Variants in SPIDR observed in about 807,000 individuals in gnomAD.
The protein encoded by SPIDR is DNA repair-scaffolding protein.
SPIDR carries 93 observed loss-of-function variants against 104.6 expected under a neutral mutation model. That is an observed-to-expected ratio of 0.89 (90% CI 0.75 to 1.06). SPIDR has a LOEUF of 1.06. SPIDR is among the 50% of genes least tolerant of loss of function. The pLI, the probability that SPIDR is intolerant of heterozygous loss-of-function variation, is 0.00. For synonymous variants in SPIDR, 431 were observed against 416.9 expected, an observed-to-expected ratio of 1.03 and a Z score of -0.41; for missense variants, 1,154 against 1,111.2, an observed-to-expected ratio of 1.04 and a Z score of -0.55.
chr8:47,546,787 C>T lies in SPIDR; in HGVS notation c.1098-49024C>T, dbSNP rs760214400. The T allele has an allele frequency of 4.3e-4, 88 of 205,552 alleles. 1 individual carries two copies. The highest frequency in any genetic ancestry group is 1.2e-3 in the Middle Eastern group (1 of 830). The allele number at this position is 205,552 out of a possible 1,614,324, so 12.7% of individuals were successfully genotyped here. Reference sequence around the variant, plus strand: ...AATTATGTACAAAGATCTAATTTGTCACCAAGAGACCATGTCACCTACTGC... The same window carrying T: ...AATTATGTACAAAGATCTAATTTGTTACCAAGAGACCATGTCACCTACTGC... On this transcript the variant is annotated intron_variant, in intron 8 of 19. Transcript: ENST00000297423.
chr8:47,404,149 T>A (rs953217756), intron 6 of SPIDR, among the ~76,000 whole-genome samples: 1 of 152,250 alleles, frequency 6.6e-6, no homozygotes, highest in Non-Finnish European at 1.5e-5. Context: ...GCCAGCCATA[T>A]GTAGAAAGCT....
chr8:47,404,136 C>A (rs1554665665), intron 6 of SPIDR, among the ~76,000 whole-genome samples: 4 of 152,200 alleles, frequency 2.6e-5, no homozygotes, highest in Non-Finnish European at 4.4e-5. Context: ...GCTGGGAAAA[C>A]TGGCCAGCCA....
At chr8:47,660,099 TA>T (rs2073857325) in intron 10 of SPIDR, among the ~76,000 whole-genome samples, 1 of 152,226 alleles carries the variant, frequency 6.6e-6, no homozygotes, top group Non-Finnish European at 1.5e-5. Flanking sequence ...AAGGGACAGT[TA>T]AAACTTTTTT....
chr8:47,284,167 T>C, intron 3 of SPIDR, 73 bp downstream of exon 3: 5 of 1,339,322 alleles, frequency 3.7e-6, no homozygotes, highest in Non-Finnish European at 5.2e-6. Context: ...TTTTAAAAAT[T>C]TGCTGTTTTA....
At chr8:47,422,601 G>T (rs948330704) in intron 7 of SPIDR, among the ~76,000 whole-genome samples, 18 of 152,184 alleles carry the variant, frequency 1.2e-4, no homozygotes, top group African/African-American at 4.3e-4. Context: ...CGCTCTTTGT[G>T]CTGCAGCCAC....
At chr8:47,323,499 A>G (rs2047146933) in intron 5 of SPIDR, among the ~76,000 whole-genome samples, 1 of 152,214 alleles carries the variant, frequency 6.6e-6, no homozygotes, top group African/African-American at 2.4e-5. Flanking sequence ...TTTGAGAGAC[A>G]GAAAAAGGCC....
chr8:47,595,038 C>G (rs2061491782), intron 8 of SPIDR, among the ~76,000 whole-genome samples: 1 of 151,970 alleles, frequency 6.6e-6, no homozygotes. Context: ...CAGGAACTTG[C>G]CACTGCCTCA....
chr8:47,561,921 C>T (rs2057134421), intron 8 of SPIDR, among the ~76,000 whole-genome samples: 1 of 152,168 alleles, frequency 6.6e-6, no homozygotes, highest in South Asian at 2.1e-4. Flanking sequence ...GACTACAAAC[C>T]ACAAAATATG....
chr8:47,706,890 G>A (rs150360237), intron 14 of SPIDR, among the ~76,000 whole-genome samples: 56 of 152,270 alleles, frequency 3.7e-4, no homozygotes, highest in African/African-American at 1.3e-3. Context: ...GGCTGAGGCA[G>A]GAGGATCACT....
chr8:47,650,805 T>TA (rs1361803695), intron 10 of SPIDR, among the ~76,000 whole-genome samples: 2 of 152,126 alleles, frequency 1.3e-5, no homozygotes, highest in East Asian at 1.9e-4. Flanking sequence ...GCCAAATACT[T>TA]ACAGTTAATA....
intron 11 of SPIDR, among the ~76,000 whole-genome samples, chr8:47,694,478 A>G (rs1283430910): frequency 4.6e-5 from 7 of 152,278 alleles, no homozygotes; most frequent in African/African-American, 4.8e-5. Flanking sequence ...ATAAAAATGA[A>G]TGAGGACTGG....
At chr8:47,263,445 C>T (rs1295026632) in intron 1 of SPIDR, among the ~76,000 whole-genome samples, 4 of 151,034 alleles carry the variant, frequency 2.6e-5, no homozygotes, top group Non-Finnish European at 4.4e-5. Flanking sequence ...AGTGCAGTGG[C>T]GCGATCTCGG....
At chr8:47,496,010 A>G (rs116598379) in intron 8 of SPIDR, among the ~76,000 whole-genome samples, 1,647 of 152,298 alleles carry the variant, frequency 0.011, 30 homozygotes, top group African/African-American at 0.037. Context: ...AATACAATTT[A>G]AATTTAAGAT....
intron 8 of SPIDR, among the ~76,000 whole-genome samples, chr8:47,576,659 C>G (rs556505801): frequency 6.6e-6 from 1 of 152,006 alleles, no homozygotes; most frequent in African/African-American, 2.4e-5. Flanking sequence ...GTCTCAAACT[C>G]CTGACCTCAG....
intron 1 of SPIDR, among the ~76,000 whole-genome samples, chr8:47,275,729 C>T (rs1449463082): frequency 6.6e-6 from 1 of 152,198 alleles, no homozygotes; most frequent in Non-Finnish European, 1.5e-5. Flanking sequence ...ACGTTGGTAG[C>T]TGGGTACCCC....
intron 8 of SPIDR, among the ~76,000 whole-genome samples, chr8:47,454,385 C>A (rs1162194680): frequency 6.6e-6 from 1 of 152,042 alleles, no homozygotes; most frequent in Non-Finnish European, 1.5e-5. Flanking sequence ...GGACAAAAAA[C>A]CAAACACCGC....
intron 8 of SPIDR, among the ~76,000 whole-genome samples, chr8:47,564,417 C>T (rs1267121211): frequency 1.3e-5 from 2 of 151,996 alleles, no homozygotes; most frequent in Non-Finnish European, 2.9e-5. Flanking sequence ...CGGTGGCTCA[C>T]GCCTGTAATC....
intron 10 of SPIDR, among the ~76,000 whole-genome samples, chr8:47,604,657 T>G (rs905420844): frequency 1.3e-5 from 2 of 152,134 alleles, no homozygotes; most frequent in African/African-American, 4.8e-5. Context: ...AGGAGCAAAG[T>G]AGAAGGGAAT....
intron 11 of SPIDR, among the ~76,000 whole-genome samples, chr8:47,682,856 T>A (rs2077277462): frequency 6.6e-6 from 1 of 152,240 alleles, no homozygotes; most frequent in African/African-American, 2.4e-5. Context: ...CAGCCATCAC[T>A]TTTGTCTTTC....
Sources: gnomAD v4.1 joint callset for allele counts (sites outside exome capture counted in the v4.1 genomes callset) on GRCh38, gnomAD v4.1.1 for gene constraint, MANE v1.5 for transcripts, NCBI Gene and HGNC (gene_info 2026-07-23, HGNC 2026-07-21) for gene names.